The following UGT8 variants were observed in gnomAD, a reference collection of about 807,000 sequenced individuals.
UGT8 encodes UDP glycosyltransferase 8.
A neutral mutation model predicts 40.5 loss-of-function variants in UGT8; 12 were observed. The observed-to-expected ratio is 0.30, with a 90% CI of 0.19 to 0.48. The LOEUF (loss-of-function observed/expected upper bound fraction) is 0.48, where lower values mean the gene tolerates loss of function less well. UGT8 is among the 20% of genes least tolerant of loss of function. The pLI is 0.99. For synonymous variants in UGT8, 224 were observed against 240.4 expected (o/e 0.93, Z 0.63); for missense variants, 513 against 648.7 (o/e 0.79, Z 2.27).
chr4:114,640,490 A>C (rs2126113214), intron 2 of UGT8, among the ~76,000 whole-genome samples: 1 of 152,320 alleles, frequency 6.6e-6, no homozygotes, highest in African/African-American at 2.4e-5. Flanking sequence ...AATATGTATG[A>C]TATACCCTAA....
intron 2 of UGT8, among the ~76,000 whole-genome samples, chr4:114,628,191 G>A (rs957938139): frequency 5.3e-5 from 8 of 151,936 alleles, no homozygotes; most frequent in African/African-American, 1.9e-4. Flanking sequence ...CCAGGCTGAA[G>A]TGCAGTGGCA....
At position 114,676,843 on chromosome 4, in the gene UGT8, A is replaced by G. The variant is rs1411724321; in HGVS notation, c.*555A>G. 6.6e-6 allele frequency: 1 copy of G among 151,704 alleles called. No individual in the cohort carries two copies. Among genetic ancestry groups the G allele is most frequent in the Admixed American group, 6.6e-5 (1 of 15,238 alleles). 9.4% of individuals were successfully genotyped at this position (151,704 alleles called of 1,614,324 possible). On this transcript the variant is annotated 3_prime_UTR_variant, in exon 6 of 6. Coordinates refer to ENST00000310836, the MANE Select transcript of UGT8 (RefSeq NM_001128174.3). ...TACCATGAAAGAACACTTCCCCCCA[A>G]AACTGGATGCAGAGGAAGAAAAAAA...
chr4:114,623,572 A>G lies in UGT8; in HGVS notation c.692A>G (p.Tyr231Cys), dbSNP rs777438600. The G allele has an allele frequency of 1.9e-6, 3 of 1,614,092 alleles. No individual in the cohort carries two copies. The East Asian group carries it at 6.7e-5, about 36-fold the overall frequency. ...AACCTGCTGCCAGAGAAGTCCATGT[A>G]TGATTTGGTTCATGGGTCCAGCCTG... ...KYNLLPEKSM[Y>C]DLVHGSSLWM... The change falls in exon 2 of 6, where the codon TAT (tyrosine) becomes TGT (cysteine). Residue 231 changes from tyrosine (Y) to cysteine (C), a missense_variant. Tyr to Cys is a radical substitution (Grantham distance 194, BLOSUM62 -2). Around this residue, in one of 3 missense-constraint regions of UGT8, gnomAD observed 335 missense variants for 444.8 expected, o/e 0.75. Transcript: ENST00000310836.
intron 2 of UGT8, among the ~76,000 whole-genome samples, chr4:114,649,002 A>T (rs1733741557): frequency 6.6e-6 from 1 of 152,194 alleles, no homozygotes; most frequent in Non-Finnish European, 1.5e-5. Flanking sequence ...ACCTCCTAGC[A>T]GTTAATATCT....
chr4:114,649,404 C>T (rs1024337153), intron 2 of UGT8, among the ~76,000 whole-genome samples: 1 of 152,070 alleles, frequency 6.6e-6, no homozygotes, highest in East Asian at 1.9e-4. Flanking sequence ...TGTTTTAACA[C>T]ACATAATTGA....
chr4:114,605,770 C>T (rs2126084709), intron 1 of UGT8, among the ~76,000 whole-genome samples: 1 of 152,160 alleles, frequency 6.6e-6, no homozygotes, highest in African/African-American at 2.4e-5. Flanking sequence ...TATATAAACT[C>T]AGCTTTTATA....
intron 2 of UGT8, among the ~76,000 whole-genome samples, chr4:114,662,149 A>G (rs985042541): frequency 2.0e-5 from 3 of 152,208 alleles, no homozygotes; most frequent in Non-Finnish European, 4.4e-5. Flanking sequence ...TCGTGATAAA[A>G]CTATCATAAG....
intron 1 of UGT8, among the ~76,000 whole-genome samples, chr4:114,614,608 A>G (rs761850803): frequency 6.6e-6 from 1 of 152,182 alleles, no homozygotes; most frequent in African/African-American, 2.4e-5. Context: ...GTGAAATGGA[A>G]CCAAATTCCT....
chr4:114,663,622 A>G (rs545758914), intron 2 of UGT8: 1 of 934,616 alleles, frequency 1.1e-6, no homozygotes, highest in Non-Finnish European at 1.3e-6. Flanking sequence ...TGCCAGTATG[A>G]TTGATTTTTC....
In UGT8 at chr4:114,631,174, G is replaced by A. The variant is rs550412580; in HGVS notation, c.822+7472G>A. Among the ~76,000 whole-genome samples the A allele has an allele frequency of 1.1e-4, 16 of 152,206 alleles. No homozygotes were observed. In the South Asian group the frequency reaches 1.2e-3, roughly 12 times the overall value. On this transcript the variant is annotated intron_variant, in intron 2 of 5. Coordinates refer to ENST00000310836, the MANE Select transcript of UGT8 (RefSeq NM_001128174.3). ...TTAGGTTGGTGCAAAAGTAATTGTGGTTTTTGTCATTAAAAGTAATATCCC... is the reference window on the plus strand; with the variant it reads ...TTAGGTTGGTGCAAAAGTAATTGTGATTTTTGTCATTAAAAGTAATATCCC...
At chr4:114,665,856 G>A (rs147255057) in intron 4 of UGT8, 100 bp downstream of exon 4, 7 of 867,194 alleles carry the variant, frequency 8.1e-6, no homozygotes, top group African/African-American at 1.8e-5. Context: ...TACGGTATAC[G>A]GTATGTATGT....
At chr4:114,640,487 A>G (rs1361462599) in intron 2 of UGT8, among the ~76,000 whole-genome samples, 2 of 152,190 alleles carry the variant, frequency 1.3e-5, no homozygotes, top group African/African-American at 4.8e-5. Flanking sequence ...AAAAATATGT[A>G]TGATATACCC....
chr4:114,645,623 C>T (rs889472482), intron 2 of UGT8, among the ~76,000 whole-genome samples: 62 of 152,160 alleles, frequency 4.1e-4, no homozygotes, highest in African/African-American at 1.4e-3. Context: ...GAAATAGAGA[C>T]AAGAAGGAAA....
chr4:114,637,357 G>T (rs922692360), intron 2 of UGT8, among the ~76,000 whole-genome samples: 3 of 152,084 alleles, frequency 2.0e-5, no homozygotes, highest in Admixed American at 6.5e-5. Flanking sequence ...ATCCCATGTT[G>T]CTGTTTAGAC....
At chr4:114,663,336 G>A (rs534207112) in intron 2 of UGT8, among the ~76,000 whole-genome samples, 12 of 152,124 alleles carry the variant, frequency 7.9e-5, no homozygotes, top group Admixed American at 3.3e-4. Flanking sequence ...ACTGCATTAT[G>A]GCATAGGAGT....
chr4:114,665,624 C>CA (rs1437743641), intron 3 of UGT8, 56 bp from the exon 4 acceptor site: 3 of 1,453,458 alleles, frequency 2.1e-6, no homozygotes, highest in Non-Finnish European at 1.9e-6. Context: ...TCAGAGAGCC[C>CA]ATACTATGAG....
intron 2 of UGT8, among the ~76,000 whole-genome samples, chr4:114,632,908 T>C (rs890587254): frequency 2.6e-5 from 4 of 152,240 alleles, no homozygotes; most frequent in African/African-American, 9.6e-5. Flanking sequence ...ACTATGCATT[T>C]CCAGACTTTT....
upstream of UGT8, chr4:114,598,621 C>G (rs1455556051): frequency 6.6e-6 from 1 of 152,302 alleles, no homozygotes; most frequent in East Asian, 1.9e-4. Flanking sequence ...CGTGGCGGCC[C>G]GTGTCGTGCC....
intron 1 of UGT8, among the ~76,000 whole-genome samples, chr4:114,613,494 T>C (rs1015950251): frequency 6.6e-6 from 1 of 152,190 alleles, no homozygotes; most frequent in Non-Finnish European, 1.5e-5. Flanking sequence ...GAGAGACTGC[T>C]GGTACTTTGT....
Sources: gnomAD v4.1 joint callset for allele counts (sites outside exome capture counted in the v4.1 genomes callset) on GRCh38, gnomAD v4.1.1 for gene constraint, gnomAD v4.1.1 regional missense constraint, MANE v1.5 for transcripts, NCBI Gene and HGNC (gene_info 2026-07-23, HGNC 2026-07-21) for gene names.